The following TEX11 variants were observed in gnomAD, a reference collection of about 807,000 sequenced individuals.
The protein encoded by TEX11 is testis-expressed protein 11.
A neutral mutation model predicts 84.4 loss-of-function variants in TEX11; 7 were observed. That is an observed-to-expected ratio of 0.08 (90% CI 0.05 to 0.16). The LOEUF (loss-of-function observed/expected upper bound fraction) is 0.16. Ranked by LOEUF, TEX11 falls within the 10% of genes least tolerant of loss-of-function variation. The probability of loss-of-function intolerance (pLI) is 1.00; values close to 1 mark genes in which losing one functional copy is unlikely to be tolerated. For synonymous variants in TEX11, 264 were observed against 222.8 expected, an observed-to-expected ratio of 1.18 and a Z score of -1.64; for missense variants, 551 against 660.5, an observed-to-expected ratio of 0.83 and a Z score of 1.82.
chrX:70,886,026 G>A (rs1338717169), intron 2 of TEX11, among the ~76,000 whole-genome samples: 1 of 111,421 alleles, frequency 9.0e-6, no homozygotes, highest in Non-Finnish European at 1.9e-5. Context: ...ATGGAACACA[G>A]TATGAAGGTT....
intron 17 of TEX11, among the ~76,000 whole-genome samples, chrX:70,649,377 C>G (rs978487930): frequency 8.9e-5 from 10 of 112,089 alleles, no homozygotes; most frequent in African/African-American, 2.9e-4. Flanking sequence ...TCACCAGCAT[C>G]TGTTGTTTCT....
chrX:70,741,633 ATAG>A (rs1446227773), intron 10 of TEX11, among the ~76,000 whole-genome samples: 1 of 111,656 alleles, frequency 9.0e-6, no homozygotes, highest in African/African-American at 3.2e-5. Context: ...AAATTACTGC[ATAG>A]TATTACCTCA....
chrX:70,839,536 G>C (rs1465988140), intron 7 of TEX11, among the ~76,000 whole-genome samples: 2 of 111,398 alleles, frequency 1.8e-5, no homozygotes, highest in Non-Finnish European at 3.8e-5. Context: ...CACAAAGATG[G>C]GAAAAAAACA....
intron 25 of TEX11, among the ~76,000 whole-genome samples, chrX:70,590,745 T>C (rs189943997): frequency 8.9e-6 from 1 of 112,007 alleles, no homozygotes; most frequent in Non-Finnish European, 1.9e-5. Context: ...TGTGTATTTA[T>C]GTATTTATTT....
chrX:70,711,087 C>A (rs939094346), intron 13 of TEX11, among the ~76,000 whole-genome samples: 4 of 110,643 alleles, frequency 3.6e-5, no homozygotes, highest in African/African-American at 1.3e-4. Context: ...TGGTTTCCAG[C>A]TTCATCCATG....
intron 2 of TEX11, among the ~76,000 whole-genome samples, chrX:70,889,438 G>A (rs1405720283): frequency 9.1e-6 from 1 of 109,588 alleles, no homozygotes; most frequent in African/African-American, 3.3e-5. Context: ...ATTATCTTGA[G>A]GTACAAACCT....
intron 20 of TEX11, among the ~76,000 whole-genome samples, chrX:70,612,649 T>C (rs2089274807): frequency 9.1e-6 from 1 of 109,297 alleles, no homozygotes; most frequent in African/African-American, 3.3e-5. Context: ...GAACAAAGAC[T>C]GAAAAAAATA....
At chrX:70,779,210 T>A (rs2091020856) in intron 9 of TEX11, among the ~76,000 whole-genome samples, 2 of 108,509 alleles carry the variant, frequency 1.8e-5, no homozygotes, top group Admixed American at 2.0e-4. Context: ...AGGTCAGGAG[T>A]TCTAGACCAG....
At chrX:70,881,326 CAA>C (rs773436735) in intron 2 of TEX11, among the ~76,000 whole-genome samples, 8 of 61,907 alleles carry the variant, frequency 1.3e-4, no homozygotes, top group Admixed American at 2.0e-4. Flanking sequence ...GACTGTGTCT[CAA>C]AAAAAAAAAA....
chrX:70,805,637 G>A (rs893209467), intron 9 of TEX11, among the ~76,000 whole-genome samples: 2 of 111,794 alleles, frequency 1.8e-5, no homozygotes, highest in Non-Finnish European at 3.8e-5. Flanking sequence ...CTGACCTCAG[G>A]TGATCTGCCC....
intron 9 of TEX11, among the ~76,000 whole-genome samples, chrX:70,758,540 A>T (rs767985136): frequency 8.9e-6 from 1 of 112,386 alleles, no homozygotes; most frequent in East Asian, 2.8e-4. Flanking sequence ...AACAAAATGA[A>T]GGCAGAAATA....
intron 8 of TEX11, among the ~76,000 whole-genome samples, chrX:70,820,294 G>A (rs1039486712): frequency 8.9e-6 from 1 of 111,743 alleles, no homozygotes; most frequent in African/African-American, 3.2e-5. Context: ...TTCAACATGA[G>A]TGCCAAGAAC....
intron 13 of TEX11, among the ~76,000 whole-genome samples, chrX:70,713,170 A>T (rs2090456972): frequency 9.0e-6 from 1 of 111,534 alleles, no homozygotes; most frequent in African/African-American, 3.3e-5. Context: ...AAGCTTTTTG[A>T]TGTGCTGCTG....
At chrX:70,897,569 A>G (rs1331649144) in intron 2 of TEX11, 3 of 101,948 alleles carry the variant, frequency 2.9e-5, no homozygotes, top group Non-Finnish European at 5.9e-5. Context: ...CAGCCTGGAC[A>G]ACAGAGACAG....
intron 2 of TEX11, among the ~76,000 whole-genome samples, chrX:70,892,997 C>T (rs2091747109): frequency 9.0e-6 from 1 of 111,269 alleles, no homozygotes; most frequent in Admixed American, 9.6e-5. Flanking sequence ...ACAAGAAGAG[C>T]TAACTATCCT....
At chrX:70,569,403 C>G (rs1303451876) in intron 25 of TEX11, among the ~76,000 whole-genome samples, 1 of 112,213 alleles carries the variant, frequency 8.9e-6, no homozygotes. Context: ...TCTTCTCTCA[C>G]CTCGTCAAAG....
intron 4 of TEX11, among the ~76,000 whole-genome samples, chrX:70,867,089 G>T (rs2091603366): frequency 8.9e-6 from 1 of 111,814 alleles, no homozygotes; most frequent in Admixed American, 9.6e-5. Flanking sequence ...AATTGTCTGT[G>T]TTTGCAGATG....
chrX:70,721,333 A>G (rs2090557520), intron 13 of TEX11, among the ~76,000 whole-genome samples: 1 of 111,655 alleles, frequency 9.0e-6, no homozygotes, highest in Non-Finnish European at 1.9e-5. Flanking sequence ...TTGATTGTCT[A>G]TTTCAATTTT....
intron 25 of TEX11, among the ~76,000 whole-genome samples, chrX:70,588,230 G>T (rs1354125863): frequency 9.0e-6 from 1 of 111,721 alleles, no homozygotes; most frequent in Non-Finnish European, 1.9e-5. Flanking sequence ...AAATGTGAAA[G>T]GCACATGAGA....
Sources: allele counts gnomAD v4.1 joint callset (sites outside exome capture counted in the v4.1 genomes callset), GRCh38; gene constraint gnomAD v4.1.1; transcripts MANE v1.5; gene names NCBI Gene and HGNC (gene_info 2026-07-23, HGNC 2026-07-21).